Variants in SASH1 observed in about 807,000 individuals in gnomAD.
SASH1 encodes the protein SAM and SH3 domain containing 1, also known as SAM and SH3 domain-containing protein 1.
Under a neutral mutation model 125.2 loss-of-function variants are expected in SASH1, and 44 were observed. That is an observed-to-expected ratio of 0.35 (90% CI 0.28 to 0.45). The LOEUF is 0.45. SASH1 is among the 20% of genes least tolerant of loss of function. SASH1 has a pLI of 1.00. For missense variants in SASH1, 1,426 were observed against 1,614.5 expected, an observed-to-expected ratio of 0.88 and a Z score of 2.00; for synonymous variants, 639 against 649.1, an observed-to-expected ratio of 0.98 and a Z score of 0.24.
In SASH1 at chr6:148,497,760, C is replaced by T. The variant is rs1779374227; in HGVS notation, c.729+10045C>T. ...GTTACACTTTTACCAAACACATAAT[C>T]AATTTATTTTCTATTTCAGAAGGCA... On this transcript the variant is annotated intron_variant, in intron 8 of 19. Transcript: ENST00000367467. 2.6e-5 allele frequency among the ~76,000 whole-genome samples: 4 copies of T among 152,126 alleles called. No homozygotes were observed. In the South Asian group the frequency reaches 8.3e-4, roughly 32 times the overall value.
chr6:148,380,023 C>G (rs1783072710), intron 1 of SASH1: 1 of 453,626 alleles, frequency 2.2e-6, no homozygotes, highest in African/African-American at 2.0e-5. Flanking sequence ...CCTGTCAGTT[C>G]TTAAAAATGT....
chr6:148,492,927 T>C (rs1256382365), intron 8 of SASH1, among the ~76,000 whole-genome samples: 1 of 152,208 alleles, frequency 6.6e-6, no homozygotes, highest in African/African-American at 2.4e-5. Context: ...CACATTTGCA[T>C]TACTAACTTC....
intron 1 of SASH1, among the ~76,000 whole-genome samples, chr6:148,315,801 G>A (rs922896429): frequency 6.6e-6 from 1 of 152,164 alleles, no homozygotes; most frequent in South Asian, 2.1e-4. Context: ...CTGTTCAGGA[G>A]GCTGAGATAG....
intron 2 of SASH1, among the ~76,000 whole-genome samples, chr6:148,424,532 G>A (rs113707435): frequency 6.6e-6 from 1 of 152,014 alleles, no homozygotes; most frequent in Non-Finnish European, 1.5e-5. Context: ...GCCAGATGGG[G>A]CTTGTTCTGT....
At chr6:148,226,671 C>G in the SASH1 span, among the ~76,000 whole-genome samples, 1 of 152,170 alleles carries the variant, frequency 6.6e-6, no homozygotes, top group South Asian at 2.1e-4. Flanking sequence ...GACACGTAGC[C>G]TGTGTATTCC....
rs146619166 is a variant in SASH1 at position 148,507,749 on chromosome 6, C to A, written c.730-6575C>A. On this transcript the variant is annotated intron_variant, in intron 8 of 19. Transcript: ENST00000367467. The stretch of plus-strand genomic sequence containing the variant: ...AGTGGTTCCTACGCATCCCTGAGTC[C>A]TGTGTAGCTAGGTATTTTATGTCGT... Among the ~76,000 whole-genome samples, 116 of 152,282 alleles carry A rather than the reference C, an allele frequency of 7.6e-4. 1 individual carries two copies. Among genetic ancestry groups the A allele is most frequent in the Non-Finnish European group, 1.4e-3 (95 of 68,022 alleles).
At chr6:148,222,718 T>C in the SASH1 span, among the ~76,000 whole-genome samples, 1 of 152,220 alleles carries the variant, frequency 6.6e-6, no homozygotes. Flanking sequence ...CATTATCTTA[T>C]AAATTTTATT....
Position 148,551,107 on chromosome 6 carries a change from T to C in SASH1, c.*2549T>C, listed in dbSNP as rs1782853903. The C allele has an allele frequency of 6.6e-6, 1 of 152,574 alleles. No individual in the cohort carries two copies. Among genetic ancestry groups the C allele is most frequent in the Non-Finnish European group, 1.5e-5 (1 of 68,036 alleles). 9.5% of individuals were successfully genotyped at this position (152,574 alleles called of 1,614,324 possible). On this transcript the variant is annotated 3_prime_UTR_variant, in exon 20 of 20. Coordinates refer to ENST00000367467, the MANE Select transcript of SASH1 (RefSeq NM_015278.5). ...GAGGGGTCTGAGGTTGTTTTTACTT[T>C]ATTGTGTTGTTTAAATATTTTAAAA...
intron 1 of SASH1, among the ~76,000 whole-genome samples, chr6:148,331,520 A>C (rs1178886614): frequency 6.6e-6 from 1 of 151,984 alleles, no homozygotes; most frequent in Non-Finnish European, 1.5e-5. Context: ...CAGTAGAGAC[A>C]GGGTTTCATC....
At chr6:148,444,010 CT>C (rs1294450004) in intron 4 of SASH1, among the ~76,000 whole-genome samples, 1 of 152,170 alleles carries the variant, frequency 6.6e-6, no homozygotes, top group Non-Finnish European at 1.5e-5. Context: ...GTTTTCTCTG[CT>C]TTTTATTCCA....
chr6:148,333,467 G>T (rs200689800), intron 1 of SASH1, among the ~76,000 whole-genome samples: 4 of 152,086 alleles, frequency 2.6e-5, no homozygotes, highest in Admixed American at 2.6e-4. Flanking sequence ...AGGTGGGGCC[G>T]GGAAATTTGC....
intron 4 of SASH1, among the ~76,000 whole-genome samples, chr6:148,443,041 G>T (rs932404197): frequency 1.3e-5 from 2 of 151,396 alleles, no homozygotes; most frequent in Admixed American, 6.6e-5. Flanking sequence ...CTCCCAAAGT[G>T]CTGGGATTAC....
At position 148,505,124 on chromosome 6, in the gene SASH1, G is replaced by C. The variant is rs1355230977; in HGVS notation, c.730-9200G>C. Among the ~76,000 whole-genome samples, 5 of 152,184 alleles carry C rather than the reference G, an allele frequency of 3.3e-5. No homozygotes were observed. The East Asian group carries it at 9.6e-4, about 29-fold the overall frequency. On this transcript the variant is annotated intron_variant, in intron 8 of 19. Transcript: ENST00000367467. Reference sequence around the variant, plus strand: ...TTTATCCTCTAGAGAGCCCTAGGAGGCTTCTCACTGCCTATCTTAGAAATG... The same window carrying C: ...TTTATCCTCTAGAGAGCCCTAGGAGCCTTCTCACTGCCTATCTTAGAAATG...
chr6:148,496,851 T>C (rs1244563276), intron 8 of SASH1, among the ~76,000 whole-genome samples: 1 of 151,788 alleles, frequency 6.6e-6, no homozygotes, highest in East Asian at 1.9e-4. Flanking sequence ...CCAGCCTAGG[T>C]GACAGAGCGA....
the SASH1 span, among the ~76,000 whole-genome samples, chr6:148,203,913 A>G: frequency 4.7e-4 from 71 of 152,316 alleles, no homozygotes; most frequent in African/African-American, 1.7e-3. Flanking sequence ...CCTTACTCTC[A>G]ACCTGTGGCC....
chr6:148,393,598 C>T (rs182073699), intron 2 of SASH1: 193 of 630,632 alleles, frequency 3.1e-4, no homozygotes, highest in Middle Eastern at 2.4e-3. Flanking sequence ...GTCTGCCCAT[C>T]GGTGGGATTT....
At chr6:148,356,596 A>G (rs1754025459) in intron 1 of SASH1, among the ~76,000 whole-genome samples, 1 of 146,350 alleles carries the variant, frequency 6.8e-6, no homozygotes, top group Non-Finnish European at 1.5e-5. Flanking sequence ...CAACCTCCCA[A>G]GTAGCTGGGA....
At chr6:148,508,979 C>A in intron 8 of SASH1, 1 of 574,462 alleles carries the variant, frequency 1.7e-6, no homozygotes, top group Non-Finnish European at 3.0e-6. Flanking sequence ...TCTCTCTTTT[C>A]TTCTTAAATT....
At chr6:148,506,177 C>T (rs571709767) in intron 8 of SASH1, among the ~76,000 whole-genome samples, 65 of 151,814 alleles carry the variant, frequency 4.3e-4, no homozygotes, top group African/African-American at 1.5e-3. Flanking sequence ...TAGAAGACTG[C>T]AGAGTTAATA....
Sources: allele counts gnomAD v4.1 joint callset (sites outside exome capture counted in the v4.1 genomes callset), GRCh38; gene constraint gnomAD v4.1.1; transcripts MANE v1.5; gene names NCBI Gene and HGNC (gene_info 2026-07-23, HGNC 2026-07-21).